The following ESR1 variants were observed in gnomAD, a reference collection of about 807,000 sequenced individuals.
ESR1 encodes estrogen receptor.
ESR1 carries 12 observed loss-of-function variants against 52.7 expected under a neutral mutation model. The ratio of observed to expected loss-of-function variants is 0.23; its 90% CI spans 0.15 to 0.37. ESR1 has a LOEUF of 0.37. Ranked by LOEUF, ESR1 falls within the 10% of genes least tolerant of loss-of-function variation. The pLI, the probability that ESR1 is intolerant of heterozygous loss-of-function variation, is 1.00. For synonymous variants in ESR1, 305 were observed against 316.8 expected (o/e 0.96, Z 0.39); for missense variants, 584 against 779.7 (o/e 0.75, Z 2.99).
Position 152,102,579 on chromosome 6 carries a change from A to T in ESR1, c.*3613A>T, listed in dbSNP as rs1051817520. 2 of 218,874 alleles carry T rather than the reference A, an allele frequency of 9.1e-6. No homozygotes were observed. Among genetic ancestry groups the T allele is most frequent in the South Asian group, 1.8e-4 (1 of 5,414 alleles). 13.6% of individuals were successfully genotyped at this position (218,874 alleles called of 1,614,324 possible). A position where few individuals can be genotyped will look rare whatever the true frequency, so the allele number is the denominator to read the frequency against. ...ACTTACTCTCAACTGGAGCAAATGAACTTTGGTCCCAAATATCCATCTTTT... is the reference window on the plus strand; with the variant it reads ...ACTTACTCTCAACTGGAGCAAATGATCTTTGGTCCCAAATATCCATCTTTT... On this transcript the variant is annotated 3_prime_UTR_variant, in exon 8 of 8. Transcript: ENST00000206249.
intron 1 of ESR1, among the ~76,000 whole-genome samples, chr6:151,695,708 T>C (rs1779285882): frequency 6.6e-6 from 1 of 152,132 alleles, no homozygotes; most frequent in Admixed American, 6.5e-5. Context: ...AAAATTTGAG[T>C]GTATCTGACA....
At chr6:152,090,889 A>G (rs2050128611) in intron 6 of ESR1, among the ~76,000 whole-genome samples, 1 of 152,166 alleles carries the variant, frequency 6.6e-6, no homozygotes, top group Non-Finnish European at 1.5e-5. Flanking sequence ...CTTATTGGCT[A>G]CAAGATCCAG....
intron 4 of ESR1, among the ~76,000 whole-genome samples, chr6:152,011,032 T>A (rs2042723929): frequency 1.3e-5 from 2 of 152,088 alleles, no homozygotes; most frequent in Admixed American, 6.6e-5. Flanking sequence ...AATCTCCTAG[T>A]TCACCATTAG....
chr6:151,750,409 C>T (rs986210394), intron 2 of ESR1, among the ~76,000 whole-genome samples: 6 of 152,156 alleles, frequency 3.9e-5, no homozygotes, highest in East Asian at 1.9e-4. Context: ...TTTAGTGGGA[C>T]GGCGGGCAAG....
intron 4 of ESR1, among the ~76,000 whole-genome samples, chr6:151,994,789 G>A (rs1444478295): frequency 6.6e-6 from 1 of 152,168 alleles, no homozygotes; most frequent in Non-Finnish European, 1.5e-5. Context: ...GGAAATAGAT[G>A]CTCATTGATA....
chr6:151,806,530 G>GTGTATATATATATATATATATATA (rs1554259015), upstream of ESR1, among the ~76,000 whole-genome samples: 1 of 96,468 alleles, frequency 1.0e-5, no homozygotes, highest in Non-Finnish European at 2.2e-5. Flanking sequence ...TCCTTAATAT[G>GTGTATATATATATATATATATATA]TATATATATA....
intron 3 of ESR1, among the ~76,000 whole-genome samples, chr6:151,916,262 T>G (rs1417382479): frequency 1.3e-5 from 2 of 152,176 alleles, no homozygotes; most frequent in Non-Finnish European, 1.5e-5. Context: ...AACGTGGAAT[T>G]TCTATAGAGG....
At chr6:151,980,077 A>G (rs2039847408) in intron 4 of ESR1, among the ~76,000 whole-genome samples, 1 of 152,182 alleles carries the variant, frequency 6.6e-6, no homozygotes, top group Non-Finnish European at 1.5e-5. Flanking sequence ...TAGACAAACA[A>G]TGTACTTCTA....
chr6:151,779,592 C>T (rs919700401), intron 2 of ESR1, among the ~76,000 whole-genome samples: 29 of 152,138 alleles, frequency 1.9e-4, no homozygotes, highest in Non-Finnish European at 3.4e-4. Flanking sequence ...TAAATTATTT[C>T]AACCATTGTG....
intron 4 of ESR1, among the ~76,000 whole-genome samples, chr6:151,945,417 A>G (rs2035586890): frequency 6.6e-6 from 1 of 152,218 alleles, no homozygotes; most frequent in African/African-American, 2.4e-5. Flanking sequence ...CAGTGGCTGA[A>G]GTGATACCTT....
intron 4 of ESR1, among the ~76,000 whole-genome samples, chr6:151,949,207 G>T (rs1333995046): frequency 6.6e-6 from 1 of 152,194 alleles, no homozygotes; most frequent in African/African-American, 2.4e-5. Flanking sequence ...GCGCTCTGAG[G>T]ACTTTAGCAG....
intron 4 of ESR1, among the ~76,000 whole-genome samples, chr6:151,971,959 C>A (rs183160069): frequency 6.6e-6 from 1 of 151,734 alleles, no homozygotes; most frequent in Non-Finnish European, 1.5e-5. Context: ...CAATTAGAAA[C>A]GAAACAGGAG....
chr6:151,900,273 C>T (rs1230921854), intron 3 of ESR1, among the ~76,000 whole-genome samples: 2 of 152,162 alleles, frequency 1.3e-5, no homozygotes, highest in African/African-American at 4.8e-5. Flanking sequence ...CTAAGTGTGT[C>T]CTTCATTTCC....
exon 7 of ESR1, chr6:152,127,314 T>C (rs544534500): frequency 6.6e-6 from 1 of 152,234 alleles, no homozygotes; most frequent in East Asian, 1.9e-4. Flanking sequence ...GTCTATAAAT[T>C]GGGAATATAG....
Position 152,030,498 on chromosome 6 carries a change from T to A in ESR1, c.1235+18704T>A, listed in dbSNP as rs1056339528. ...GCAGGGGTTGCAATCCTAGTCTCTG[T>A]TAAAACAGACTTTAAACCAACAAAG... is the stretch of plus-strand genomic sequence containing the variant. On this transcript the variant is annotated intron_variant, in intron 5 of 7. Transcript: ENST00000206249. Among the ~76,000 whole-genome samples the A allele has an allele frequency of 1.1e-4, 16 of 152,088 alleles. No individual in the cohort carries two copies. In the East Asian group the frequency reaches 3.1e-3, roughly 29 times the overall value.
At chr6:151,854,987 C>T (rs555334243) in intron 2 of ESR1, among the ~76,000 whole-genome samples, 46 of 152,294 alleles carry the variant, frequency 3.0e-4, no homozygotes, top group African/African-American at 9.9e-4. Flanking sequence ...GATCTTGGCT[C>T]ATTGCAACCT....
At chr6:151,914,349 C>A (rs1264478202) in intron 3 of ESR1, among the ~76,000 whole-genome samples, 1 of 152,028 alleles carries the variant, frequency 6.6e-6, no homozygotes, top group African/African-American at 2.4e-5. Flanking sequence ...CCAAACTTTT[C>A]ATCTTACTTC....
intron 2 of ESR1, among the ~76,000 whole-genome samples, chr6:151,865,929 G>A (rs1789818326): frequency 6.6e-6 from 1 of 152,238 alleles, no homozygotes; most frequent in Admixed American, 6.5e-5. Context: ...TGAGAACTCT[G>A]CTTTCTGATG....
chr6:151,855,264 A>G (rs1030608711), intron 2 of ESR1, among the ~76,000 whole-genome samples: 1 of 152,160 alleles, frequency 6.6e-6, no homozygotes, highest in African/African-American at 2.4e-5. Flanking sequence ...TAACCAGTTA[A>G]GCCATGATGG....
Sources: allele counts gnomAD v4.1 joint callset (sites outside exome capture counted in the v4.1 genomes callset), GRCh38; gene constraint gnomAD v4.1.1; transcripts MANE v1.5; gene names NCBI Gene and HGNC (gene_info 2026-07-23, HGNC 2026-07-21).